The following PRUNE1 variants were observed in gnomAD, a reference collection of about 807,000 sequenced individuals.
PRUNE1 encodes exopolyphosphatase PRUNE1.
Under a neutral mutation model 42.5 loss-of-function variants are expected in PRUNE1, and 25 were observed. The ratio of observed to expected loss-of-function variants is 0.59; its 90% CI spans 0.43 to 0.82. The LOEUF is 0.82. PRUNE1 is among the 40% of genes least tolerant of loss of function. PRUNE1 has a pLI of 0.00. For missense variants in PRUNE1, 443 were observed against 539.3 expected, an observed-to-expected ratio of 0.82 and a Z score of 1.77; for synonymous variants, 203 against 217.1, an observed-to-expected ratio of 0.93 and a Z score of 0.57.
chr1:151,009,099 C>T (rs952466324), intron 1 of PRUNE1, among the ~76,000 whole-genome samples: 7 of 152,132 alleles, frequency 4.6e-5, no homozygotes, highest in Non-Finnish European at 5.9e-5. Context: ...GCCCACTGGC[C>T]TCCAGGTGAA....
At chr1:151,026,978 G>A (rs1674880456) in intron 5 of PRUNE1, among the ~76,000 whole-genome samples, 1 of 151,636 alleles carries the variant, frequency 6.6e-6, no homozygotes, top group Non-Finnish European at 1.5e-5. Flanking sequence ...TAGAGACAGA[G>A]TTTCATCATG....
At chr1:151,027,582 T>A (rs1168892193) in intron 6 of PRUNE1, among the ~76,000 whole-genome samples, 10 of 112,904 alleles carry the variant, frequency 8.9e-5, no homozygotes, top group African/African-American at 1.8e-4. Flanking sequence ...TGGTCTTTTT[T>A]AATTTTTTTT....
At chr1:151,008,854 G>A in intron 1 of PRUNE1, 183 bp downstream of exon 1, 1 of 772,288 alleles carries the variant, frequency 1.3e-6, no homozygotes, top group Non-Finnish European at 2.2e-6. Context: ...GTTTAGGAGC[G>A]TGAGAATGCT....
chr1:151,027,427 T>C (rs901584381), intron 6 of PRUNE1, 100 bp downstream of exon 6: 3 of 802,178 alleles, frequency 3.7e-6, no homozygotes, highest in Non-Finnish European at 6.2e-6. Flanking sequence ...CTCCAAAATG[T>C]ATCTTGTGTC....
chr1:151,032,669 G>A (rs1675306668), intron 7 of PRUNE1, among the ~76,000 whole-genome samples: 1 of 146,594 alleles, frequency 6.8e-6, no homozygotes, highest in South Asian at 2.2e-4. Context: ...AACTGAGATT[G>A]CACCACTGCA....
chr1:151,017,964 C>A, intron 2 of PRUNE1, 60 bp downstream of exon 2: 1 of 1,191,514 alleles, frequency 8.4e-7, no homozygotes, highest in Non-Finnish European at 1.2e-6. Flanking sequence ...GATCTGGATT[C>A]AAGACCCAGC....
At chr1:151,033,783 C>T (rs755494376) in intron 7 of PRUNE1, 23 bp from the exon 8 acceptor site, 13 of 1,592,216 alleles carry the variant, frequency 8.2e-6, no homozygotes, top group South Asian at 6.6e-5. Flanking sequence ...TGTATCATTT[C>T]CCTGTTATTG....
chr1:151,024,336 T>TA (rs1674681843), intron 3 of PRUNE1, among the ~76,000 whole-genome samples: 1 of 151,036 alleles, frequency 6.6e-6, no homozygotes, highest in Non-Finnish European at 1.5e-5. Context: ...CTACTAAAAA[T>TA]ACAAAAAAAT....
At position 151,034,506 on chromosome 1, in the gene PRUNE1, T is replaced by C. The variant is rs1675443024; in HGVS notation, c.*272T>C. ...TATTTGCCAGGGGCACGATGTGACA[T>C]ATCTGCAGTCCCAGCACAGTGGGAC... On this transcript the variant is annotated 3_prime_UTR_variant, in exon 8 of 8. Coordinates refer to ENST00000271620, the MANE Select transcript of PRUNE1 (RefSeq NM_021222.3). 2.4e-6 allele frequency: 1 copy of C among 425,472 alleles called. No individual in the cohort carries two copies. The highest frequency in any genetic ancestry group is 2.0e-5 in the African/African-American group (1 of 50,476). 26.4% of individuals were successfully genotyped at this position (425,472 alleles called of 1,614,324 possible). A position where few individuals can be genotyped will look rare whatever the true frequency, so the allele number is the denominator to read the frequency against.
chr1:151,020,551 C>T (rs1364949888), intron 3 of PRUNE1, among the ~76,000 whole-genome samples: 1 of 151,448 alleles, frequency 6.6e-6, no homozygotes, highest in Non-Finnish European at 1.5e-5. Flanking sequence ...TTGCTTGAGC[C>T]CAGGAGTTCA....
Position 151,026,194 on chromosome 1 carries a change from C to T in PRUNE1, c.679+521C>T, listed in dbSNP as rs1019117641. Among the ~76,000 whole-genome samples, 9 of 151,624 alleles carry T rather than the reference C, an allele frequency of 5.9e-5. No homozygotes were observed. In the South Asian group the frequency reaches 8.3e-4, roughly 14 times the overall value. On this transcript the variant is annotated intron_variant, in intron 5 of 7. Coordinates refer to ENST00000271620, the MANE Select transcript of PRUNE1 (RefSeq NM_021222.3). Reference sequence around the variant, plus strand: ...CAGAAGGGCCAGACGCAGTGGCTCACGCCTGTAATCCCAACACTTTGGGAG... The same window carrying T: ...CAGAAGGGCCAGACGCAGTGGCTCATGCCTGTAATCCCAACACTTTGGGAG...
At chr1:151,022,514 G>T (rs991208655) in intron 3 of PRUNE1, among the ~76,000 whole-genome samples, 3 of 150,794 alleles carry the variant, frequency 2.0e-5, no homozygotes, top group Admixed American at 6.6e-5. Flanking sequence ...CGCCTCCCGG[G>T]TTCACGCCAT....
At chr1:151,018,354 T>G in intron 2 of PRUNE1, 113 bp from the exon 3 acceptor site, 1 of 944,608 alleles carries the variant, frequency 1.1e-6, no homozygotes, top group Non-Finnish European at 1.7e-6. Context: ...TACTTATGGC[T>G]TTGAGAAAGG....
intron 4 of PRUNE1, among the ~76,000 whole-genome samples, 175 bp from the exon 5 acceptor site, chr1:151,025,340 T>C (rs1018138842): frequency 6.6e-6 from 1 of 152,178 alleles, no homozygotes; most frequent in Non-Finnish European, 1.5e-5. Context: ...TACATTTTAG[T>C]TTGGATTTGG....
chr1:151,015,361 C>G lies in PRUNE1; in HGVS notation c.40-2451C>G, dbSNP rs587603599. 6.2e-4 allele frequency among the ~76,000 whole-genome samples: 84 copies of G among 136,324 alleles called. No homozygotes were observed. In the South Asian group the frequency reaches 0.019, roughly 31 times the overall value. The allele number at this position is 136,324 out of a possible 152,430, so 89.4% of individuals were successfully genotyped here. A position where few individuals can be genotyped will look rare whatever the true frequency, so the allele number is the denominator to read the frequency against. On this transcript the variant is annotated intron_variant, in intron 1 of 7. Transcript: ENST00000271620. ...AAAAAAAAAAAAAACAAGGGCCGGG[C>G]ACGGTGGCTCATGCCTGTAATCCCA...
chr1:151,025,818 G>T (rs1160288178), intron 5 of PRUNE1, 145 bp downstream of exon 5: 1 of 753,156 alleles, frequency 1.3e-6, no homozygotes. Flanking sequence ...TTGGCACACT[G>T]CAACCTCGAC....
At chr1:151,025,363 C>A in intron 4 of PRUNE1, 152 bp from the exon 5 acceptor site, 1 of 716,650 alleles carries the variant, frequency 1.4e-6, no homozygotes, top group Non-Finnish European at 2.2e-6. Flanking sequence ...GGTCTGAGGA[C>A]ACTGTCCATC....
chr1:151,031,415 G>A (rs1175833822), intron 7 of PRUNE1, among the ~76,000 whole-genome samples: 1 of 151,970 alleles, frequency 6.6e-6, no homozygotes, highest in Non-Finnish European at 1.5e-5. Flanking sequence ...TCGAACTCCT[G>A]GACTCAAGTG....
chr1:151,030,995 C>G lies in PRUNE1; in HGVS notation c.933+2051C>G, dbSNP rs150709741. The stretch of plus-strand genomic sequence containing the variant: ...AGTAAGCACTTTGTAAATAGTGGCT[C>G]TTACTAATCCTGTCAGTAAGAAAAG... On this transcript the variant is annotated intron_variant, in intron 7 of 7. Transcript: ENST00000271620. 6.8e-4 allele frequency among the ~76,000 whole-genome samples: 104 copies of G among 152,262 alleles called. 1 individual carries two copies. The East Asian group carries it at 0.019, about 27-fold the overall frequency.
Sources: allele counts gnomAD v4.1 joint callset (sites outside exome capture counted in the v4.1 genomes callset), GRCh38; gene constraint gnomAD v4.1.1; transcripts MANE v1.5; gene names NCBI Gene and HGNC (gene_info 2026-07-23, HGNC 2026-07-21).